GALNT3: variants seen among roughly 807,000 people sequenced by gnomAD.
GALNT3 encodes GalNAc transferase 3.
GALNT3 carries 51 observed loss-of-function variants against 69.8 expected under a neutral mutation model. That is an observed-to-expected ratio of 0.73 (90% CI 0.58 to 0.92). GALNT3 has a LOEUF of 0.92. GALNT3 is among the 40% of genes least tolerant of loss of function. GALNT3 has a pLI of 0.00. For missense variants in GALNT3, 711 were observed against 760.0 expected (o/e 0.94, Z 0.76); for synonymous variants, 265 against 248.5 (o/e 1.07, Z -0.63).
intron 2 of GALNT3, among the ~76,000 whole-genome samples, chr2:165,769,441 A>AATAATAATAATT (rs1365934792): frequency 1.3e-5 from 1 of 79,902 alleles, no homozygotes; most frequent in African/African-American, 3.9e-5. Flanking sequence ...TAATAATAAT[A>AATAATAATAATT]AATAAATAAA....
chr2:165,793,210 A>G (rs899790116), intron 1 of GALNT3, among the ~76,000 whole-genome samples: 1 of 152,146 alleles, frequency 6.6e-6, no homozygotes, highest in African/African-American at 2.4e-5. Flanking sequence ...TCCTGAAACA[A>G]TGTTTTTTTG....
chr2:165,749,352 T>A (rs1261363365), intron 10 of GALNT3, among the ~76,000 whole-genome samples: 2 of 152,160 alleles, frequency 1.3e-5, no homozygotes, highest in Admixed American at 6.5e-5. Flanking sequence ...GAAAAAGTGC[T>A]AAAACAGGGT....
chr2:165,780,022 G>A (rs1418777232), intron 1 of GALNT3, among the ~76,000 whole-genome samples: 1 of 152,178 alleles, frequency 6.6e-6, no homozygotes, highest in African/African-American at 2.4e-5. Flanking sequence ...GCCACCCAGA[G>A]GCTGGCTGAT....
intron 1 of GALNT3, among the ~76,000 whole-genome samples, chr2:165,788,290 C>T (rs1204425058): frequency 5.0e-5 from 7 of 140,614 alleles, no homozygotes; most frequent in African/African-American, 1.9e-4. Context: ...GCACTCCAGC[C>T]TGGGCGATAG....
At chr2:165,779,955 T>C (rs900252920) in intron 1 of GALNT3, among the ~76,000 whole-genome samples, 2 of 152,210 alleles carry the variant, frequency 1.3e-5, no homozygotes, top group African/African-American at 4.8e-5. Context: ...TTGTCTATTC[T>C]AGTGAGGAGA....
In GALNT3 at chr2:165,764,982, G is replaced by C; in HGVS notation, c.590C>G (p.Ala197Gly). The change falls in exon 3 of 11, where the codon GCG becomes GGG. Residue 197 changes from alanine to glycine, a missense_variant. Transcript: ENST00000392701. ...GACAGTTCTAAGCAACGTGGACCAC[G>C]CTTCATTATGAAAAACTATTATGAC... ...TSVIIVFHNEAWSTLLRTVHS... is the reference protein window; with the variant it reads ...TSVIIVFHNEGWSTLLRTVHS... The C allele has an allele frequency of 6.2e-7, 1 of 1,614,140 alleles. No homozygotes were observed.
Position 165,770,316 on chromosome 2 carries a change from T to C in GALNT3, c.385A>G (p.Lys129Glu), listed in dbSNP as rs1688727471. The C allele has an allele frequency of 1.9e-6, 3 of 1,614,060 alleles. No homozygotes were observed. Among genetic ancestry groups the C allele is most frequent in the African/African-American group, 1.3e-5 (1 of 74,918 alleles). ...TCTTCAACACTTAAATTGGTTGTCTTGAATGCTTTACCAGAAGCACCAGGT... is the reference window on the plus strand; with the variant it reads ...TCTTCAACACTTAAATTGGTTGTCTCGAATGCTTTACCAGAAGCACCAGGT... Reference protein sequence around the residue: ...NAPGASGKAFKTTNLSVEEQK... With the variant: ...NAPGASGKAFETTNLSVEEQK... The change falls in exon 2 of 11, where the codon AAG becomes GAG. Residue 129 changes from lysine (K) to glutamate (E), a missense_variant. Transcript: ENST00000392701.
Position 165,747,741 on chromosome 2 carries a change from T to C in GALNT3, c.*1040A>G, listed in dbSNP as rs1688285194. Reference sequence around the variant, plus strand: ...AGAAATTCAGCATACAAAATTCATTTTCCCCCACCTATTATCAATTACAGA... The same window carrying C: ...AGAAATTCAGCATACAAAATTCATTCTCCCCCACCTATTATCAATTACAGA... On this transcript the variant is annotated 3_prime_UTR_variant, in exon 11 of 11. Transcript: ENST00000392701. The C allele has an allele frequency of 6.3e-6, 1 of 158,244 alleles. No homozygotes were observed. The highest frequency in any genetic ancestry group is 2.4e-5 in the African/African-American group (1 of 41,662). 9.8% of individuals were successfully genotyped at this position (158,244 alleles called of 1,614,324 possible).
intron 7 of GALNT3, among the ~76,000 whole-genome samples, chr2:165,755,449 T>C (rs1688428860): frequency 6.6e-6 from 1 of 152,116 alleles, no homozygotes. Flanking sequence ...GTGTCAGAAA[T>C]CAGGTATAGA....
chr2:165,769,385 G>A (rs1688707204), intron 2 of GALNT3, among the ~76,000 whole-genome samples: 1 of 142,716 alleles, frequency 7.0e-6, no homozygotes, highest in Non-Finnish European at 1.5e-5. Flanking sequence ...CAGCCTCAGT[G>A]AAAGAGAAAG....
At chr2:165,766,444 G>A (rs1219675327) in intron 2 of GALNT3, among the ~76,000 whole-genome samples, 1 of 152,146 alleles carries the variant, frequency 6.6e-6, no homozygotes, top group Non-Finnish European at 1.5e-5. Context: ...TTAAGCCACT[G>A]GGGTGCAGGA....
chr2:165,773,343 T>A (rs1688787613), intron 1 of GALNT3, among the ~76,000 whole-genome samples: 1 of 152,212 alleles, frequency 6.6e-6, no homozygotes, highest in Admixed American at 6.5e-5. Flanking sequence ...GTGCCTTTGC[T>A]CTTCTTTCAC....
intron 1 of GALNT3, among the ~76,000 whole-genome samples, chr2:165,774,552 C>G (rs530082898): frequency 2.0e-5 from 3 of 152,120 alleles, no homozygotes; most frequent in African/African-American, 7.2e-5. Flanking sequence ...ATCAGAATGA[C>G]AGTAATCCTA....
intron 1 of GALNT3, among the ~76,000 whole-genome samples, chr2:165,773,019 G>A (rs1477686448): frequency 6.6e-6 from 1 of 152,202 alleles, no homozygotes; most frequent in Non-Finnish European, 1.5e-5. Flanking sequence ...TTAATGAGAT[G>A]AGGTGGGTCA....
chr2:165,785,122 C>T (rs903139012), intron 1 of GALNT3, among the ~76,000 whole-genome samples: 1 of 152,056 alleles, frequency 6.6e-6, no homozygotes, highest in African/African-American at 2.4e-5. Flanking sequence ...TACGCTAATG[C>T]ACTAGTGAAA....
chr2:165,758,475 G>T, intron 6 of GALNT3: 3 of 257,202 alleles, frequency 1.2e-5, no homozygotes, highest in South Asian at 8.3e-5. Context: ...ATTTATCTTG[G>T]CTGGAATTCA....
rs1281538429 is a variant in GALNT3 at position 165,754,634 on chromosome 2, C to T, written c.1619G>A (p.Gly540Glu). ...TTTTAATGCAGTGCTCACCTGGTTT[C>T]CCCCAAGTCCATGACATGTATACAT... is the stretch of plus-strand genomic sequence containing the variant. The part of the protein sequence containing the change: ...LIMYTCHGLG[G>E]NQYFEYSAQH... Residue 540 changes from glycine to glutamate, a missense_variant, in exon 9 of 11, where the codon GGA (glycine) becomes GAA (glutamate). Coordinates refer to ENST00000392701, the MANE Select transcript of GALNT3 (RefSeq NM_004482.4). 10 of 1,609,562 alleles carry T rather than the reference C, an allele frequency of 6.2e-6. No individual in the cohort carries two copies. Among genetic ancestry groups the T allele is most frequent in the Non-Finnish European group, 8.5e-6 (10 of 1,176,230 alleles).
At chr2:165,787,088 A>C (rs535343424) in intron 1 of GALNT3, among the ~76,000 whole-genome samples, 1 of 152,338 alleles carries the variant, frequency 6.6e-6, no homozygotes, top group East Asian at 1.9e-4. Flanking sequence ...CAGGTACTAA[A>C]TAGGACTTTA....
chr2:165,766,103 A>T (rs1688638673), intron 2 of GALNT3, among the ~76,000 whole-genome samples: 1 of 152,190 alleles, frequency 6.6e-6, no homozygotes, highest in Admixed American at 6.5e-5. Context: ...TATGATGTTC[A>T]TCATTCAGCA....
Sources: gnomAD v4.1 joint callset for allele counts (sites outside exome capture counted in the v4.1 genomes callset) on GRCh38, gnomAD v4.1.1 for gene constraint, MANE v1.5 for transcripts, NCBI Gene and HGNC (gene_info 2026-07-23, HGNC 2026-07-21) for gene names.